Variants in BTBD16 observed in about 807,000 individuals in gnomAD.
BTBD16 encodes the protein BTB/POZ domain-containing protein 16.
A neutral mutation model predicts 67.4 loss-of-function variants in BTBD16; 66 were observed. The observed-to-expected ratio is 0.98, with a 90% CI of 0.80 to 1.20. The LOEUF is 1.20. Among genes scored for constraint, BTBD16 ranks in the 50% most tolerant of loss-of-function variants. BTBD16 has a pLI of 0.00. For missense variants in BTBD16, 634 were observed against 616.0 expected, an observed-to-expected ratio of 1.03 and a Z score of -0.31; for synonymous variants, 242 against 236.4, an observed-to-expected ratio of 1.02 and a Z score of -0.22.
At chr10:122,327,798 C>T (rs748886338) in intron 10 of BTBD16, among the ~76,000 whole-genome samples, 40 of 152,248 alleles carry the variant, frequency 2.6e-4, no homozygotes, top group Non-Finnish European at 1.0e-4. Context: ...ATCAGGGTCT[C>T]GGTTCCTCTT....
rs1043615731 is a variant in BTBD16, at chr10:122,286,107, G to A, written c.244G>A (p.Val82Met). 3 of 1,613,072 alleles carry A rather than the reference G, an allele frequency of 1.9e-6. No individual in the cohort carries two copies. Among genetic ancestry groups the A allele is most frequent in the East Asian group, 4.5e-5 (2 of 44,858 alleles). The change falls in exon 5 of 16, where the codon GTG (valine) becomes ATG (methionine). Residue 82 changes from valine to methionine, a missense_variant and splice_region_variant. Physicochemically the swap from Val to Met is conservative, Grantham distance 21 (BLOSUM62 1). Coordinates refer to ENST00000260723, the MANE Select transcript of BTBD16 (RefSeq NM_144587.5). ...TCAGCATCATTTTCTGTCCTCAGATGTGATTCTCGAGTGCCTGGGCTTCAA... is the reference window on the plus strand; with the variant it reads ...TCAGCATCATTTTCTGTCCTCAGATATGATTCTCGAGTGCCTGGGCTTCAA... ...NKDIQSGEADVILECLGFKWE... is the reference protein window; with the variant it reads ...NKDIQSGEADMILECLGFKWE...
chr10:122,301,536 G>C (rs554095611), intron 9 of BTBD16, among the ~76,000 whole-genome samples: 16 of 152,114 alleles, frequency 1.1e-4, no homozygotes, highest in Non-Finnish European at 2.2e-4. Context: ...CCACTCCCCA[G>C]GCTCTGCCCA....
At position 122,334,966 on chromosome 10, in the gene BTBD16, G is replaced by A. The variant is rs1409426421; in HGVS notation, c.1250G>A (p.Ser417Asn). 7 of 1,502,512 alleles carry A rather than the reference G, an allele frequency of 4.7e-6. No individual in the cohort carries two copies. Among genetic ancestry groups the A allele is most frequent in the Non-Finnish European group, 4.6e-6 (5 of 1,084,082 alleles). 93.1% of individuals were successfully genotyped at this position (1,502,512 alleles called of 1,614,324 possible). The stretch of plus-strand genomic sequence containing the variant: ...CTCAAACATGATACTACCTCTTATA[G>A]TTTTTACATGCAGGTAAGGATAGAG... ...KGLKHDTTSY[S>N]FYMQRIKHTD... Residue 417 changes from serine to asparagine, a missense_variant, in exon 14 of 16, where the codon AGT becomes AAT. Coordinates refer to ENST00000260723, the MANE Select transcript of BTBD16 (RefSeq NM_144587.5).
intron 11 of BTBD16, among the ~76,000 whole-genome samples, chr10:122,330,458 T>G (rs1486727321): frequency 6.6e-6 from 1 of 152,252 alleles, no homozygotes; most frequent in Admixed American, 6.5e-5. Flanking sequence ...TAAGGAGGAC[T>G]GGTCAAAGCT....
At chr10:122,321,247 A>G (rs1030067663) in intron 10 of BTBD16, among the ~76,000 whole-genome samples, 1 of 152,096 alleles carries the variant, frequency 6.6e-6, no homozygotes, top group African/African-American at 2.4e-5. Flanking sequence ...TCTTTATCCA[A>G]TCCACCACTG....
At position 122,329,493 on chromosome 10, in the gene BTBD16, T is replaced by G. The variant is rs755833806; in HGVS notation, c.925T>G (p.Cys309Gly). 23 of 1,613,814 alleles carry G rather than the reference T, an allele frequency of 1.4e-5. No homozygotes were observed. The highest frequency in any genetic ancestry group is 1.8e-5 in the Non-Finnish European group (21 of 1,180,016). The change falls in exon 11 of 16, where the codon TGT becomes GGT. Residue 309 changes from cysteine (C) to glycine (G), a missense_variant. Physicochemically the swap from Cys to Gly is radical, Grantham distance 159. Coordinates refer to ENST00000260723, the MANE Select transcript of BTBD16 (RefSeq NM_144587.5). The part of the protein sequence containing the change: ...MTFFKSFPEN[C>G]CFLDRDIGRS... The stretch of plus-strand genomic sequence containing the variant: ...GCCTCTGCTAAGCTTTCCTGAGAAC[T>G]GTTGCTTTCTGGACCGGGACATAGG...
intron 15 of BTBD16, among the ~76,000 whole-genome samples, chr10:122,337,059 C>T (rs1366318053): frequency 6.6e-6 from 1 of 152,218 alleles, no homozygotes; most frequent in East Asian, 1.9e-4. Flanking sequence ...CCCAGACCCA[C>T]CTGCCTCACT....
At chr10:122,306,090 G>A (rs1348670290) in intron 9 of BTBD16, among the ~76,000 whole-genome samples, 2 of 152,182 alleles carry the variant, frequency 1.3e-5, no homozygotes, top group Non-Finnish European at 2.9e-5. Flanking sequence ...TGGGCCCATG[G>A]TGATCACAAG....
At chr10:122,304,760 A>G (rs896561033) in intron 9 of BTBD16, among the ~76,000 whole-genome samples, 7 of 152,114 alleles carry the variant, frequency 4.6e-5, no homozygotes, top group Middle Eastern at 3.4e-3. Context: ...TCATCATGTT[A>G]GCCAAGATGG....
intron 10 of BTBD16, among the ~76,000 whole-genome samples, chr10:122,318,479 C>A (rs1200177758): frequency 6.6e-6 from 1 of 152,128 alleles, no homozygotes; most frequent in Admixed American, 6.5e-5. Flanking sequence ...ACTTTCATTT[C>A]TTTTAAGTAA....
At chr10:122,291,539 T>G (rs2096374067) in intron 7 of BTBD16, 1 of 191,738 alleles carries the variant, frequency 5.2e-6, no homozygotes, top group African/African-American at 2.3e-5. Context: ...CCTCTTCTCA[T>G]TGTTGGCTAA....
At chr10:122,329,366 C>A in intron 10 of BTBD16, 114 bp from the exon 11 acceptor site, 1 of 939,498 alleles carries the variant, frequency 1.1e-6, no homozygotes, top group South Asian at 1.5e-5. Flanking sequence ...GAGGCCCCAT[C>A]TCCCCCTGGC....
chr10:122,282,293 G>A (rs950242211), intron 3 of BTBD16, among the ~76,000 whole-genome samples: 1 of 152,074 alleles, frequency 6.6e-6, no homozygotes, highest in Non-Finnish European at 1.5e-5. Context: ...GGGGATCGAG[G>A]GAGGAAGCGA....
At position 122,304,550 on chromosome 10, in the gene BTBD16, C is replaced by CTT. The variant is rs3037891; in HGVS notation, c.792-2618_792-2617dup. On this transcript the variant is annotated intron_variant, in intron 9 of 15. Coordinates refer to ENST00000260723, the MANE Select transcript of BTBD16 (RefSeq NM_144587.5). ...CTGACATTACGGGGTAGCAGGTATT[C>CTT]TTTTTTTTTTTTTTTTTTTTTTGAG... 1.5e-3 allele frequency among the ~76,000 whole-genome samples: 147 copies of CTT among 95,410 alleles called. 1 individual carries two copies. The highest frequency in any genetic ancestry group is 6.1e-3 in the East Asian group (18 of 2,932). 62.6% of individuals were successfully genotyped at this position (95,410 alleles called of 152,430 possible).
At chr10:122,284,114 T>C (rs7098436) in intron 4 of BTBD16, among the ~76,000 whole-genome samples, 190 bp downstream of exon 4, 39,173 of 152,060 alleles carry the variant, frequency 0.26, 5,541 homozygotes, top group East Asian at 0.47. Context: ...GTGAGTGAAG[T>C]CAAGCTTGGT....
At position 122,291,118 on chromosome 10, in the gene BTBD16, G is replaced by A. The variant is rs2096373200; in HGVS notation, c.514G>A (p.Val172Met). The change falls in exon 7 of 16, where the codon GTG becomes ATG. Residue 172 changes from valine to methionine, a missense_variant. Transcript: ENST00000260723. Reference protein sequence around the residue: ...TALKNLYMSEVEINLEDLLGV... With the variant: ...TALKNLYMSEMEINLEDLLGV... ...CCTGAAGAACCTCTACATGAGTGAG[G>A]TGGAGATTAACTTGGAAGACCTACT... The A allele has an allele frequency of 6.2e-7, 1 of 1,613,606 alleles. No individual in the cohort carries two copies. The highest frequency in any genetic ancestry group is 1.7e-5 in the Admixed American group (1 of 59,958).
chr10:122,288,794 C>A (rs1414669032), intron 5 of BTBD16, among the ~76,000 whole-genome samples: 1 of 152,108 alleles, frequency 6.6e-6, no homozygotes, highest in Non-Finnish European at 1.5e-5. Context: ...GAGAAGACCC[C>A]CGATGAGGAA....
chr10:122,310,728 A>G (rs2142098910), intron 10 of BTBD16, among the ~76,000 whole-genome samples: 1 of 152,368 alleles, frequency 6.6e-6, no homozygotes, highest in African/African-American at 2.4e-5. Flanking sequence ...AATAACTTCA[A>G]TGACAGAGCA....
intron 13 of BTBD16, among the ~76,000 whole-genome samples, chr10:122,334,198 T>TA (rs2096459348): frequency 1.3e-5 from 2 of 148,424 alleles, no homozygotes; most frequent in East Asian, 4.0e-4. Context: ...TCTTGACTTT[T>TA]TTTTTTTTTT....
Sources: gnomAD v4.1 joint callset for allele counts (sites outside exome capture counted in the v4.1 genomes callset) on GRCh38, gnomAD v4.1.1 for gene constraint, MANE v1.5 for transcripts, NCBI Gene and HGNC (gene_info 2026-07-23, HGNC 2026-07-21) for gene names.